AP3M1: variants seen among roughly 807,000 people sequenced by gnomAD.
The protein encoded by AP3M1 is adaptor related protein complex 3 subunit mu 1, also known as AP-3 complex subunit mu-1.
Under a neutral mutation model 42.6 loss-of-function variants are expected in AP3M1, and 29 were observed. The ratio of observed to expected loss-of-function variants is 0.68; its 90% CI spans 0.51 to 0.93. The LOEUF is 0.93. Among genes scored for constraint, AP3M1 ranks in the 40% least tolerant of loss-of-function variants. The pLI, the probability that AP3M1 is intolerant of heterozygous loss-of-function variation, is 0.00. For missense variants in AP3M1, 416 were observed against 510.2 expected, an observed-to-expected ratio of 0.82 and a Z score of 1.78; for synonymous variants, 178 against 175.3, an observed-to-expected ratio of 1.02 and a Z score of -0.12.
At chr10:74,143,480 G>A (rs560131182) in intron 1 of AP3M1, among the ~76,000 whole-genome samples, 74 of 152,166 alleles carry the variant, frequency 4.9e-4, no homozygotes, top group Middle Eastern at 3.4e-3. Context: ...GCCTGCCTTC[G>A]CCTCCCAAAG....
intron 1 of AP3M1, among the ~76,000 whole-genome samples, chr10:74,142,892 T>C (rs1391715449): frequency 6.6e-6 from 1 of 152,258 alleles, no homozygotes; most frequent in Non-Finnish European, 1.5e-5. Flanking sequence ...AAATTTTTAT[T>C]ATTACACCTT....
chr10:74,126,816 C>CA (rs1251555520), intron 6 of AP3M1, among the ~76,000 whole-genome samples: 1 of 150,738 alleles, frequency 6.6e-6, no homozygotes, highest in Non-Finnish European at 1.5e-5. Context: ...ACTAAAAATA[C>CA]AAAAATTAGC....
intron 4 of AP3M1, among the ~76,000 whole-genome samples, chr10:74,131,160 A>AT (rs907614613): frequency 3.3e-5 from 5 of 151,324 alleles, no homozygotes; most frequent in South Asian, 2.1e-4. Context: ...ATAGAATTTT[A>AT]TTTTTTTTTA....
intron 2 of AP3M1, among the ~76,000 whole-genome samples, chr10:74,137,442 T>C (rs1840982867): frequency 6.6e-6 from 1 of 152,074 alleles, no homozygotes; most frequent in Non-Finnish European, 1.5e-5. Flanking sequence ...TACATATAGA[T>C]AAGCTTAAAT....
intron 6 of AP3M1, among the ~76,000 whole-genome samples, chr10:74,128,074 T>G (rs938493379): frequency 2.4e-5 from 3 of 122,456 alleles, no homozygotes; most frequent in Non-Finnish European, 4.7e-5. Flanking sequence ...CACTCCAGCC[T>G]GAGCAACAAG....
chr10:74,137,698 C>T (rs1840988942), intron 2 of AP3M1, among the ~76,000 whole-genome samples: 1 of 152,196 alleles, frequency 6.6e-6, no homozygotes, highest in Non-Finnish European at 1.5e-5. Flanking sequence ...TACACATCCT[C>T]CTATATACTT....
At chr10:74,142,999 G>A (rs1841205410) in intron 1 of AP3M1, among the ~76,000 whole-genome samples, 1 of 152,208 alleles carries the variant, frequency 6.6e-6, no homozygotes, top group African/African-American at 2.4e-5. Context: ...CACTTCAGGT[G>A]AGTCACATAT....
rs534166080 is a variant in AP3M1, at chr10:74,122,960, T to C, written c.*850A>G. 11 of 152,708 alleles carry C rather than the reference T, an allele frequency of 7.2e-5. No individual in the cohort carries two copies. The highest frequency in any genetic ancestry group is 2.6e-4 in the African/African-American group (11 of 41,584). The allele number at this position is 152,708 out of a possible 1,614,324, so 9.5% of individuals were successfully genotyped here. ...AGATGGCAAAGGTTTCACTTAAGTT[T>C]TTCTTTTACTACTTTAATTTGCTTA... On this transcript the variant is annotated 3_prime_UTR_variant, in exon 9 of 9. Coordinates refer to ENST00000355264, the MANE Select transcript of AP3M1 (RefSeq NM_012095.6).
intron 7 of AP3M1, among the ~76,000 whole-genome samples, chr10:74,125,642 T>C (rs1840591200): frequency 6.6e-6 from 1 of 152,238 alleles, no homozygotes; most frequent in Non-Finnish European, 1.5e-5. Context: ...GAAAATCATC[T>C]GCTACAGTTT....
At chr10:74,144,649 G>A (rs1010331776) in intron 1 of AP3M1, among the ~76,000 whole-genome samples, 3 of 151,010 alleles carry the variant, frequency 2.0e-5, no homozygotes, top group Non-Finnish European at 4.4e-5. Context: ...GCATGAATGT[G>A]CTGCTTTAGC....
At chr10:74,132,970 G>C (rs373288099) in intron 4 of AP3M1, among the ~76,000 whole-genome samples, 1 of 152,002 alleles carries the variant, frequency 6.6e-6, no homozygotes, top group African/African-American at 2.4e-5. Flanking sequence ...ACAGATTTAT[G>C]GGCCAGGTGC....
intron 1 of AP3M1, among the ~76,000 whole-genome samples, chr10:74,146,597 C>A (rs1841335969): frequency 6.6e-6 from 1 of 151,948 alleles, no homozygotes; most frequent in South Asian, 2.1e-4. Context: ...TTGGCCTGGT[C>A]CTGTGTAATT....
At chr10:74,139,447 C>G (rs1199658047) in intron 1 of AP3M1, among the ~76,000 whole-genome samples, 2 of 82,030 alleles carry the variant, frequency 2.4e-5, no homozygotes, top group East Asian at 4.7e-4. Flanking sequence ...GACCTCATCT[C>G]TATTAAAAAA....
intron 5 of AP3M1, 112 bp downstream of exon 5, chr10:74,129,795 G>C (rs1840721181): frequency 1.3e-6 from 1 of 770,002 alleles, no homozygotes; most frequent in African/African-American, 1.7e-5. Flanking sequence ...ATATTTCTGA[G>C]ATAATCCTTT....
chr10:74,133,560 C>CAAAT (rs756611684), intron 4 of AP3M1, among the ~76,000 whole-genome samples: 25 of 151,746 alleles, frequency 1.6e-4, no homozygotes, highest in South Asian at 1.0e-3. Flanking sequence ...GACCCCGTCT[C>CAAAT]AAATAAATAA....
Position 74,138,335 on chromosome 10 carries a change from A to G in AP3M1, c.45T>C (p.Phe15=). 1 of 1,614,162 alleles carries G rather than the reference A, an allele frequency of 6.2e-7. No homozygotes were observed. The highest frequency in any genetic ancestry group is 1.1e-5 in the South Asian group (1 of 91,086). ...CAACGCTCTTCCAGTGCTTCTCTAG[A>G]AATATGTCACCGGAACAGTTTATGA... The part of the protein sequence containing the change: ...LFLINCSGDI[F]LEKHWKSVVS... The change falls in exon 2 of 9, where the codon TTT becomes TTC. Residue 15 remains phenylalanine (F), a synonymous_variant. Transcript: ENST00000355264.
At chr10:74,124,651 T>C in intron 7 of AP3M1, 127 bp from the exon 8 acceptor site, 1 of 739,904 alleles carries the variant, frequency 1.4e-6, no homozygotes, top group Non-Finnish European at 2.1e-6. Flanking sequence ...ACAAGAGATC[T>C]GGCATCTACA....
At chr10:74,139,385 A>G (rs1217160792) in intron 1 of AP3M1, among the ~76,000 whole-genome samples, 1 of 151,684 alleles carries the variant, frequency 6.6e-6, no homozygotes, top group African/African-American at 2.4e-5. Context: ...AGGCTGAGGA[A>G]GGAGGATTGC....
chr10:74,125,844 T>C (rs1840597132), intron 7 of AP3M1, among the ~76,000 whole-genome samples: 1 of 152,238 alleles, frequency 6.6e-6, no homozygotes. Context: ...ATGTTTTCTC[T>C]TTTTAAAAAA....
Sources: gnomAD v4.1 joint callset for allele counts (sites outside exome capture counted in the v4.1 genomes callset) on GRCh38, gnomAD v4.1.1 for gene constraint, MANE v1.5 for transcripts, NCBI Gene and HGNC (gene_info 2026-07-23, HGNC 2026-07-21) for gene names.